COL4A2: variants seen among roughly 807,000 people sequenced by gnomAD.
COL4A2 encodes collagen type IV alpha 2 chain, also known as collagen alpha-2(IV) chain.
Under a neutral mutation model 200.2 loss-of-function variants are expected in COL4A2, and 99 were observed. That is an observed-to-expected ratio of 0.49 (90% CI 0.42 to 0.58). The LOEUF is 0.58. Among genes scored for constraint, COL4A2 ranks in the 20% least tolerant of loss-of-function variants. The pLI is 0.00. For missense variants in COL4A2, 1,950 were observed against 2,314.1 expected, an observed-to-expected ratio of 0.84 and a Z score of 3.23; for synonymous variants, 897 against 900.6, an observed-to-expected ratio of 1.00 and a Z score of 0.07.
At chr13:110,425,974 G>A (rs1346715974) in intron 6 of COL4A2, among the ~76,000 whole-genome samples, 2 of 152,228 alleles carry the variant, frequency 1.3e-5, no homozygotes, top group Non-Finnish European at 2.9e-5. Context: ...AGAGCTGCAA[G>A]CCAGTGATCT....
At chr13:110,466,265 CA>C (rs1222131684) in intron 26 of COL4A2, among the ~76,000 whole-genome samples, 3 of 152,298 alleles carry the variant, frequency 2.0e-5, no homozygotes, top group Admixed American at 2.0e-4. Context: ...GACATTTAAC[CA>C]AACCCCTCTT....
chr13:110,335,058 G>A (rs1876112962), intron 3 of COL4A2, among the ~76,000 whole-genome samples: 1 of 152,044 alleles, frequency 6.6e-6, no homozygotes, highest in African/African-American at 2.4e-5. Flanking sequence ...TCTTCCCTCT[G>A]CAGAGGCCGA....
intron 45 of COL4A2, among the ~76,000 whole-genome samples, chr13:110,505,331 C>T (rs1341649337): frequency 2.6e-5 from 4 of 151,206 alleles, no homozygotes; most frequent in African/African-American, 9.8e-5. Flanking sequence ...GCCTGGGGGA[C>T]AGAGCGAGAC....
intron 4 of COL4A2, 40 bp from the exon 5 acceptor site, chr13:110,424,692 TTG>T (rs752982775): frequency 7.0e-7 from 1 of 1,426,882 alleles, no homozygotes; most frequent in Non-Finnish European, 9.7e-7. Context: ...TGAGTATGTA[TTG>T]TGATTAATCG....
chr13:110,473,122 C>G lies in COL4A2; in HGVS notation c.2397C>G (p.Pro799=). The change falls in exon 29 of 48, where the codon CCC becomes CCG. Residue 799 remains proline (P), a synonymous_variant. Coordinates refer to ENST00000360467, the MANE Select transcript of COL4A2 (RefSeq NM_001846.4). The part of the protein sequence containing the change: ...VPGQPGLKGL[P]GDRGPPGFRG... ...GACAGCCTGGGCTTAAAGGCCTTCCCGGAGACAGAGGCCCCCCTGGATTCA... is the reference window on the plus strand; with the variant it reads ...GACAGCCTGGGCTTAAAGGCCTTCCGGGAGACAGAGGCCCCCCTGGATTCA... The G allele has an allele frequency of 6.4e-7, 1 of 1,560,938 alleles. No individual in the cohort carries two copies. Among genetic ancestry groups the G allele is most frequent in the Non-Finnish European group, 8.7e-7 (1 of 1,152,958 alleles).
chr13:110,404,574 T>C (rs2139433570), intron 4 of COL4A2, among the ~76,000 whole-genome samples: 1 of 152,180 alleles, frequency 6.6e-6, no homozygotes, highest in Non-Finnish European at 1.5e-5. Context: ...CCGCCAAGGC[T>C]CACAGGAGGG....
At chr13:110,386,594 T>C (rs1415383111) in intron 4 of COL4A2, among the ~76,000 whole-genome samples, 1 of 152,248 alleles carries the variant, frequency 6.6e-6, no homozygotes, top group African/African-American at 2.4e-5. Flanking sequence ...GGAGAAGTGC[T>C]ATTGCTATTA....
intron 32 of COL4A2, 120 bp downstream of exon 32, chr13:110,482,779 A>C (rs1000195568): frequency 1.5e-5 from 16 of 1,041,994 alleles, no homozygotes; most frequent in Non-Finnish European, 2.2e-5. Flanking sequence ...AGGAACCCTA[A>C]AGCTAGACAA....
At chr13:110,370,989 T>C (rs1198669367) in intron 4 of COL4A2, among the ~76,000 whole-genome samples, 3 of 152,228 alleles carry the variant, frequency 2.0e-5, no homozygotes, top group African/African-American at 7.2e-5. Flanking sequence ...ATGAACTCCT[T>C]AATTCCAGAA....
At chr13:110,473,931 C>T (rs1464195165) in intron 29 of COL4A2, among the ~76,000 whole-genome samples, 1 of 150,140 alleles carries the variant, frequency 6.7e-6, no homozygotes, top group East Asian at 2.0e-4. Flanking sequence ...TCAAAACCAT[C>T]CTGGGCTACA....
chr13:110,450,888 G>A (rs1043684844), intron 20 of COL4A2, among the ~76,000 whole-genome samples: 62 of 152,182 alleles, frequency 4.1e-4, no homozygotes, highest in African/African-American at 1.4e-3. Flanking sequence ...ACTCCATCAC[G>A]TTTAAGCCAC....
At chr13:110,472,510 T>C (rs961336621) in intron 28 of COL4A2, among the ~76,000 whole-genome samples, 1 of 152,160 alleles carries the variant, frequency 6.6e-6, no homozygotes, top group Non-Finnish European at 1.5e-5. Flanking sequence ...GTTTTGGCTC[T>C]GACGGCCCTG....
chr13:110,439,775 T>C lies in COL4A2; in HGVS notation c.913-14T>C. On this transcript the variant is annotated splice_polypyrimidine_tract_variant and intron_variant, in intron 15 of 47. Coordinates refer to ENST00000360467, the MANE Select transcript of COL4A2 (RefSeq NM_001846.4). Reference sequence around the variant, plus strand: ...TATTCTGAGCTGTTTGCTTCTGTTTTTTGTTCATTCCAGGGTTACCCTGGC... The same window carrying C: ...TATTCTGAGCTGTTTGCTTCTGTTTCTTGTTCATTCCAGGGTTACCCTGGC... 6.2e-7 allele frequency: 1 copy of C among 1,613,894 alleles called. No homozygotes were observed. The highest frequency in any genetic ancestry group is 8.5e-7 in the Non-Finnish European group (1 of 1,179,916).
chr13:110,344,097 G>C (rs981073620), intron 3 of COL4A2, among the ~76,000 whole-genome samples: 1 of 151,810 alleles, frequency 6.6e-6, no homozygotes, highest in Non-Finnish European at 1.5e-5. Context: ...TCTCCCTAAC[G>C]AAACAGAAGA....
rs1442077507 is a variant in COL4A2, at chr13:110,512,329, T to C, written c.*138T>C. 4 of 1,368,648 alleles carry C rather than the reference T, an allele frequency of 2.9e-6. No homozygotes were observed. Among genetic ancestry groups the C allele is most frequent in the African/African-American group, 1.5e-5 (1 of 68,026 alleles). The allele number at this position is 1,368,648 out of a possible 1,614,324, so 84.8% of individuals were successfully genotyped here. A position where few individuals can be genotyped will look rare whatever the true frequency, so the allele number is the denominator to read the frequency against. On this transcript the variant is annotated 3_prime_UTR_variant, in exon 48 of 48. Coordinates refer to ENST00000360467, the MANE Select transcript of COL4A2 (RefSeq NM_001846.4). Reference sequence around the variant, plus strand: ...GGAATTTGCATCCAGCAGCAGCACTTAGACCTGCCAGCCACTGTCACCGAG... The same window carrying C: ...GGAATTTGCATCCAGCAGCAGCACTCAGACCTGCCAGCCACTGTCACCGAG...
At chr13:110,401,156 T>C (rs1455414331) in intron 4 of COL4A2, among the ~76,000 whole-genome samples, 1 of 152,232 alleles carries the variant, frequency 6.6e-6, no homozygotes, top group Admixed American at 6.5e-5. Context: ...TGCATAGTAT[T>C]GGTTACCTTC....
intron 39 of COL4A2, among the ~76,000 whole-genome samples, chr13:110,495,061 G>A (rs534702242): frequency 6.4e-4 from 97 of 152,342 alleles, no homozygotes; most frequent in African/African-American, 2.2e-3. Context: ...CCCGGGAGGG[G>A]TCCCAGCTCC....
At chr13:110,460,576 C>G (rs1047340140) in intron 22 of COL4A2, among the ~76,000 whole-genome samples, 2 of 152,310 alleles carry the variant, frequency 1.3e-5, no homozygotes, top group African/African-American at 4.8e-5. Flanking sequence ...TAAAACCTTC[C>G]AAGCACACAC....
At position 110,462,361 on chromosome 13, in the gene COL4A2, T is replaced by C; in HGVS notation, c.1753T>C (p.Phe585Leu). 1 of 1,613,590 alleles carries C rather than the reference T, an allele frequency of 6.2e-7. No individual in the cohort carries two copies. The highest frequency in any genetic ancestry group is 8.5e-7 in the Non-Finnish European group (1 of 1,180,018). ...GSPGRDGLDG[F>L]PGLPGPPGDG... ...CCCAGGCCGCGATGGGCTCGATGGA[T>C]TCCCCGGCCTCCCAGGCCCTCCCGT... Residue 585 changes from phenylalanine to leucine, a missense_variant, in exon 24 of 48, where the codon TTC (phenylalanine) becomes CTC (leucine). Coordinates refer to ENST00000360467, the MANE Select transcript of COL4A2 (RefSeq NM_001846.4).
Sources: allele counts gnomAD v4.1 joint callset (sites outside exome capture counted in the v4.1 genomes callset), GRCh38; gene constraint gnomAD v4.1.1; transcripts MANE v1.5; gene names NCBI Gene and HGNC (gene_info 2026-07-23, HGNC 2026-07-21).